NCR1: variants seen among roughly 807,000 people sequenced by gnomAD.
The protein encoded by NCR1 is natural cytotoxicity triggering receptor 1.
NCR1 carries 30 observed loss-of-function variants against 32.5 expected under a neutral mutation model. The observed-to-expected ratio is 0.92, with a 90% CI of 0.69 to 1.25. NCR1 has a LOEUF of 1.25. Ranked by LOEUF, NCR1 falls within the 50% of genes most tolerant of loss-of-function variation. The pLI, the probability that NCR1 is intolerant of heterozygous loss-of-function variation, is 0.00. For missense variants in NCR1, 369 were observed against 380.7 expected, an observed-to-expected ratio of 0.97 and a Z score of 0.26; for synonymous variants, 169 against 143.4, an observed-to-expected ratio of 1.18 and a Z score of -1.28.
At chr19:54,908,538 G>T (rs587773697) in intron 3 of NCR1, among the ~76,000 whole-genome samples, 1 of 152,028 alleles carries the variant, frequency 6.6e-6, no homozygotes, top group African/African-American at 2.4e-5. Flanking sequence ...GGGCAGAGGG[G>T]CTCCTCACTT....
At chr19:54,920,347 G>A (rs564828749), downstream of NCR1, among the ~76,000 whole-genome samples, 3 of 152,182 alleles carry the variant, frequency 2.0e-5, no homozygotes, top group Non-Finnish European at 4.4e-5. Flanking sequence ...CAAGTCCAGG[G>A]GTGCTGCTAT....
chr19:54,933,139 G>T, the NCR1 span, among the ~76,000 whole-genome samples: 2 of 150,906 alleles, frequency 1.3e-5, no homozygotes, highest in Non-Finnish European at 3.0e-5. Flanking sequence ...TATCTGCCTG[G>T]TTTTTTTTGT....
At chr19:54,937,320 G>A in the NCR1 span, among the ~76,000 whole-genome samples, 1 of 151,628 alleles carries the variant, frequency 6.6e-6, no homozygotes, top group Admixed American at 6.6e-5. Context: ...AAACTCCTAT[G>A]ACACACGGTT....
upstream of NCR1, among the ~76,000 whole-genome samples, chr19:54,905,454 G>T (rs1188195612): frequency 6.6e-6 from 1 of 152,062 alleles, no homozygotes; most frequent in Non-Finnish European, 1.5e-5. Flanking sequence ...GCATTTTGTG[G>T]GGTTGGGGGA....
the NCR1 span, among the ~76,000 whole-genome samples, chr19:54,925,198 C>T: frequency 5.1e-3 from 773 of 152,158 alleles, 5 homozygotes; most frequent in Non-Finnish European, 7.3e-3. Context: ...AAAAGAAATA[C>T]GCCCCAAACA....
At chr19:54,906,962 G>C (rs1442527968) in intron 3 of NCR1, among the ~76,000 whole-genome samples, 155 bp downstream of exon 3, 1 of 152,146 alleles carries the variant, frequency 6.6e-6, no homozygotes, top group Non-Finnish European at 1.5e-5. Flanking sequence ...GCCTACAAGG[G>C]GTTGTCTGCA....
At chr19:54,931,033 C>A in the NCR1 span, among the ~76,000 whole-genome samples, 1,261 of 152,056 alleles carry the variant, frequency 8.3e-3, 20 homozygotes, top group African/African-American at 0.028. Context: ...AAGAAAACAA[C>A]AACAACAACA....
chr19:54,929,320 G>A, the NCR1 span, among the ~76,000 whole-genome samples: 26 of 152,094 alleles, frequency 1.7e-4, no homozygotes, highest in Admixed American at 2.6e-4. Context: ...AGCCAAGATC[G>A]CACCACTGCA....
At chr19:54,925,720 C>T in the NCR1 span, among the ~76,000 whole-genome samples, 5 of 152,084 alleles carry the variant, frequency 3.3e-5, no homozygotes, top group South Asian at 4.2e-4. Context: ...TCACTGAGGC[C>T]GGGCGCGGTG....
At position 54,909,478 on chromosome 19, in the gene NCR1, C is replaced by G. The variant is rs765401336; in HGVS notation, c.589C>G (p.His197Asp). The G allele has an allele frequency of 6.2e-7, 1 of 1,610,084 alleles. No homozygotes were observed. Among genetic ancestry groups the G allele is most frequent in the Non-Finnish European group, 8.5e-7 (1 of 1,179,920 alleles). The change falls in exon 4 of 7, where the codon CAT (histidine) becomes GAT (aspartate). Residue 197 changes from histidine (H) to aspartate (D), a missense_variant. Coordinates refer to ENST00000291890, the MANE Select transcript of NCR1 (RefSeq NM_004829.7). ...CCGATGTTTTGGCTCCTATAACAAC[C>G]ATGCCTGGTCTTTCCCCAGTGAGCC... ...TYRCFGSYNN[H>D]AWSFPSEPVK...
the NCR1 span, chr19:54,930,472 A>G: frequency 2.0e-6 from 3 of 1,536,812 alleles, no homozygotes; most frequent in Non-Finnish European, 2.7e-6. Context: ...AAAAAAAGAA[A>G]GAAAGAAGAA....
At chr19:54,909,809 C>G (rs1163291293) in intron 4 of NCR1, among the ~76,000 whole-genome samples, 1 of 151,686 alleles carries the variant, frequency 6.6e-6, no homozygotes, top group Non-Finnish European at 1.5e-5. Flanking sequence ...GTGGCGGACA[C>G]CTGTAGTCCC....
At chr19:54,925,696 T>TTTTTTTA in the NCR1 span, among the ~76,000 whole-genome samples, 1 of 152,066 alleles carries the variant, frequency 6.6e-6, no homozygotes, top group South Asian at 2.1e-4. Flanking sequence ...AAAGGTAGAT[T>TTTTTTTA]ACGTTAAAAT....
chr19:54,936,171 T>C, the NCR1 span: 1 of 1,150,678 alleles, frequency 8.7e-7, no homozygotes, highest in Non-Finnish European at 1.3e-6. Context: ...TGGGACGGCA[T>C]CTGGAGTGGT....
chr19:54,931,453 G>T, the NCR1 span, among the ~76,000 whole-genome samples: 1 of 152,094 alleles, frequency 6.6e-6, no homozygotes, highest in Admixed American at 6.6e-5. Flanking sequence ...ACTTTGGGAG[G>T]CTGAGGCAGA....
upstream of NCR1, among the ~76,000 whole-genome samples, chr19:54,903,351 CATAT>C (rs150625776): frequency 7.2e-4 from 85 of 117,306 alleles, no homozygotes; most frequent in Non-Finnish European, 9.6e-4. Flanking sequence ...TACATATATG[CATAT>C]ATACATACAT....
the NCR1 span, chr19:54,930,753 A>T: frequency 1.8e-6 from 2 of 1,087,526 alleles, no homozygotes; most frequent in East Asian, 4.7e-5. Flanking sequence ...TATACCTTCC[A>T]CTTATATACT....
chr19:54,919,714 A>AGGGCC, downstream of NCR1, among the ~76,000 whole-genome samples: 1 of 100,068 alleles, frequency 1.0e-5, no homozygotes, highest in Admixed American at 1.1e-4. Context: ...GGAAAGGGAG[A>AGGGCC]CCCCCCCCCC....
At chr19:54,925,868 C>T in the NCR1 span, among the ~76,000 whole-genome samples, 10,178 of 151,680 alleles carry the variant, frequency 0.067, 342 homozygotes, top group East Asian at 0.15. Context: ...GGCGTGGTGG[C>T]GGGCGCCTGT....
Sources: gnomAD v4.1 joint callset for allele counts (sites outside exome capture counted in the v4.1 genomes callset) on GRCh38, gnomAD v4.1.1 for gene constraint, MANE v1.5 for transcripts, NCBI Gene and HGNC (gene_info 2026-07-23, HGNC 2026-07-21) for gene names.